NCOA7: variants seen among roughly 807,000 people sequenced by gnomAD.
NCOA7 encodes nuclear receptor coactivator 7, also known as 140 kDa estrogen receptor-associated protein.
Under a neutral mutation model 104.3 loss-of-function variants are expected in NCOA7, and 45 were observed. That is an observed-to-expected ratio of 0.43 (90% CI 0.34 to 0.55). The LOEUF is 0.55. NCOA7 is among the 20% of genes least tolerant of loss of function. The pLI, the probability that NCOA7 is intolerant of heterozygous loss-of-function variation, is 0.02. For missense variants in NCOA7, 1,041 were observed against 1,119.7 expected (o/e 0.93, Z 1.00); for synonymous variants, 398 against 402.3 (o/e 0.99, Z 0.13).
At chr6:125,842,468 T>C (rs536833940) in intron 2 of NCOA7, among the ~76,000 whole-genome samples, 262 of 152,340 alleles carry the variant, frequency 1.7e-3, no homozygotes, top group African/African-American at 6.0e-3. Flanking sequence ...CCAATGCTGC[T>C]TTCTATAAGA....
chr6:125,875,608 C>T (rs552580269), intron 4 of NCOA7: 1 of 152,328 alleles, frequency 6.6e-6, no homozygotes, highest in Admixed American at 6.5e-5. Context: ...CCTTACTCTC[C>T]ATGTTCGTTA....
chr6:125,902,187 C>T lies in NCOA7; in HGVS notation c.2096+11377C>T, dbSNP rs909221250. ...TTGAGGGTGGAACCCTTGCAGAGACCCCACCCTTTTTTACCTAGTATTTCT... is the reference window on the plus strand; with the variant it reads ...TTGAGGGTGGAACCCTTGCAGAGACTCCACCCTTTTTTACCTAGTATTTCT... On this transcript the variant is annotated intron_variant, in intron 10 of 15. Coordinates refer to ENST00000392477, the MANE Select transcript of NCOA7 (RefSeq NM_181782.5). Among the ~76,000 whole-genome samples, 3 of 152,066 alleles carry T rather than the reference C, an allele frequency of 2.0e-5. No homozygotes were observed. In the East Asian group the frequency reaches 5.8e-4, roughly 29 times the overall value.
chr6:125,863,979 C>T (rs1212172970), intron 3 of NCOA7, among the ~76,000 whole-genome samples: 1 of 136,712 alleles, frequency 7.3e-6, no homozygotes, highest in Non-Finnish European at 1.5e-5. Context: ...AAAATCTTAG[C>T]AAATACATTG....
chr6:125,832,931 C>T (rs934722717), intron 2 of NCOA7, among the ~76,000 whole-genome samples: 2 of 152,200 alleles, frequency 1.3e-5, no homozygotes, highest in African/African-American at 4.8e-5. Flanking sequence ...GTCTCCAGAC[C>T]TCCTTTCTCC....
Position 125,887,293 on chromosome 6 carries a change from A to G in NCOA7, c.885-1646A>G, listed in dbSNP as rs531281412. Among the ~76,000 whole-genome samples the G allele has an allele frequency of 1.4e-4, 21 of 152,316 alleles. No individual in the cohort carries two copies. The South Asian group carries it at 4.4e-3, about 32-fold the overall frequency. ...GTTGCAGGACTTCTTACAGGCTTTA[A>G]TATGCCAAATTCAGTTTTGAGTTCC... On this transcript the variant is annotated intron_variant, in intron 8 of 15. Coordinates refer to ENST00000392477, the MANE Select transcript of NCOA7 (RefSeq NM_181782.5).
chr6:125,911,720 C>G lies in NCOA7; in HGVS notation c.2097-3613C>G, dbSNP rs866878502. 9.2e-5 allele frequency among the ~76,000 whole-genome samples: 14 copies of G among 152,178 alleles called. No homozygotes were observed. The South Asian group carries it at 1.4e-3, about 16-fold the overall frequency. On this transcript the variant is annotated intron_variant, in intron 10 of 15. Transcript: ENST00000392477. ...AGGAGCTGAGTCAGAAAGCATTGGTCCATTAAGCATCGTGACTCTGGTCGG... is the reference window on the plus strand; with the variant it reads ...AGGAGCTGAGTCAGAAAGCATTGGTGCATTAAGCATCGTGACTCTGGTCGG...
chr6:125,885,115 C>T (rs1203257484), intron 7 of NCOA7, 44 bp from the exon 8 acceptor site: 1 of 1,600,206 alleles, frequency 6.2e-7, no homozygotes, highest in Non-Finnish European at 8.5e-7. Flanking sequence ...TTGCTGAAAG[C>T]ATTTCTGCCT....
At chr6:125,873,472 C>T (rs530282999) in intron 3 of NCOA7, among the ~76,000 whole-genome samples, 2 of 152,222 alleles carry the variant, frequency 1.3e-5, no homozygotes, top group South Asian at 4.2e-4. Flanking sequence ...CCTGTTTACC[C>T]TTTTGGTGTA....
rs1010582538 is a variant in NCOA7 at position 125,855,415 on chromosome 6, A to T, written c.271+175A>T. On this transcript the variant is annotated intron_variant, in intron 3 of 15. Transcript: ENST00000392477. ...TTGTGTAAGGGGATCACACTAAAAT[A>T]ATGTCTCATTTAAATTTGTGTTCCC... 4 of 549,554 alleles carry T rather than the reference A, an allele frequency of 7.3e-6. No individual in the cohort carries two copies. In the African/African-American group the frequency reaches 7.5e-5, roughly 10 times the overall value. The allele number at this position is 549,554 out of a possible 1,614,324, so 34.0% of individuals were successfully genotyped here.
intron 2 of NCOA7, among the ~76,000 whole-genome samples, chr6:125,848,617 A>G (rs1780838366): frequency 6.6e-6 from 1 of 152,060 alleles, no homozygotes; most frequent in African/African-American, 2.4e-5. Context: ...ACTTGGATAC[A>G]GGGTAGGGAA....
intron 2 of NCOA7, among the ~76,000 whole-genome samples, chr6:125,835,556 T>C (rs1001459678): frequency 6.6e-6 from 1 of 152,200 alleles, no homozygotes; most frequent in Non-Finnish European, 1.5e-5. Context: ...CTTTACTTGA[T>C]AAATGCTGCT....
In NCOA7 at chr6:125,781,470, G is replaced by A. The variant is rs558473659; in HGVS notation, c.-142+99G>A. ...TATCTGAAAATATGTAATAATATGA[G>A]AACAGGAAGATTTAAAGGGGTTATT... is the stretch of plus-strand genomic sequence containing the variant. On this transcript the variant is annotated intron_variant, in intron 1 of 16. Transcript: ENST00000368357. The A allele has an allele frequency of 5.4e-4, 82 of 152,092 alleles. 1 individual carries two copies. Among genetic ancestry groups the A allele is most frequent in the African/African-American group, 1.8e-3 (75 of 41,488 alleles). 9.4% of individuals were successfully genotyped at this position (152,092 alleles called of 1,614,324 possible). A position where few individuals can be genotyped will look rare whatever the true frequency, so the allele number is the denominator to read the frequency against.
chr6:125,924,407 G>A (rs1474381310), intron 13 of NCOA7, among the ~76,000 whole-genome samples: 2 of 152,220 alleles, frequency 1.3e-5, no homozygotes, highest in African/African-American at 4.8e-5. Flanking sequence ...TGTCATTTGA[G>A]GACAACCAGA....
chr6:125,890,860 G>A, intron 10 of NCOA7, 50 bp downstream of exon 10: 3 of 1,396,950 alleles, frequency 2.1e-6, no homozygotes, highest in Non-Finnish European at 2.8e-6. Context: ...GGTTTGGATG[G>A]CGTTTTGATA....
chr6:125,858,678 TA>T (rs1280715619), intron 3 of NCOA7, among the ~76,000 whole-genome samples: 1 of 151,470 alleles, frequency 6.6e-6, no homozygotes, highest in Non-Finnish European at 1.5e-5. Flanking sequence ...CTCTCAAGAA[TA>T]ACAATGATAG....
At chr6:125,880,264 A>G (rs1264283016) in intron 5 of NCOA7, among the ~76,000 whole-genome samples, 1 of 152,136 alleles carries the variant, frequency 6.6e-6, no homozygotes, top group Non-Finnish European at 1.5e-5. Context: ...TTTAGAACTC[A>G]GAGCCTGCTT....
intron 2 of NCOA7, among the ~76,000 whole-genome samples, chr6:125,820,873 A>T (rs1352216782): frequency 4.6e-5 from 7 of 152,200 alleles, no homozygotes. Context: ...GATATAATGA[A>T]GTGGAGTTAT....
At chr6:125,910,471 AT>A (rs1343095504) in intron 10 of NCOA7, among the ~76,000 whole-genome samples, 1 of 152,214 alleles carries the variant, frequency 6.6e-6, no homozygotes, top group Non-Finnish European at 1.5e-5. Context: ...AAAAACTAAG[AT>A]TTATAATTGT....
At position 125,855,170 on chromosome 6, in the gene NCOA7, G is replaced by C. The variant is rs766964758; in HGVS notation, c.201G>C (p.Glu67Asp). The change falls in exon 3 of 16, where the codon GAG becomes GAC. Residue 67 changes from glutamate (E) to aspartate (D), a missense_variant. By Grantham distance (45) the Glu-to-Asp change is conservative. Around this residue, in one of 2 missense-constraint regions of NCOA7, gnomAD observed 914 missense variants for 942.7 expected, o/e 0.97. Transcript: ENST00000392477. ...TGGAAGAGGAATATATGACTGATGA[G>C]AAAAAAAAGAGAAAAAGTAATCAGT... Reference protein sequence around the residue: ...IAVEEEYMTDEKKKRKSNQLK... With the variant: ...IAVEEEYMTDDKKKRKSNQLK... 23 of 1,611,930 alleles carry C rather than the reference G, an allele frequency of 1.4e-5. No homozygotes were observed. The highest frequency in any genetic ancestry group is 2.0e-5 in the Non-Finnish European group (23 of 1,179,396).
Sources: gnomAD v4.1 joint callset for allele counts (sites outside exome capture counted in the v4.1 genomes callset) on GRCh38, gnomAD v4.1.1 for gene constraint, gnomAD v4.1.1 regional missense constraint, MANE v1.5 for transcripts, NCBI Gene and HGNC (gene_info 2026-07-23, HGNC 2026-07-21) for gene names.